The following POLR3B variants were observed in gnomAD, a reference collection of about 807,000 sequenced individuals.
POLR3B encodes DNA-directed RNA polymerase III subunit RPC2.
A neutral mutation model predicts 147.4 loss-of-function variants in POLR3B; 96 were observed. That is an observed-to-expected ratio of 0.65 (90% CI 0.55 to 0.77). POLR3B has a LOEUF of 0.77. Among genes scored for constraint, POLR3B ranks in the 30% least tolerant of loss-of-function variants. The pLI, the probability that POLR3B is intolerant of heterozygous loss-of-function variation, is 0.00. For missense variants in POLR3B, 1,036 were observed against 1,413.5 expected (o/e 0.73, Z 4.28); for synonymous variants, 461 against 485.9 (o/e 0.95, Z 0.67).
intron 5 of POLR3B, 74 bp downstream of exon 5, chr12:106,369,424 A>G (rs2036574562): frequency 1.0e-6 from 1 of 1,000,418 alleles, no homozygotes; most frequent in African/African-American, 1.6e-5. Flanking sequence ...TACTCTTAAA[A>G]GATCATTTAA....
chr12:106,437,233 A>G, intron 17 of POLR3B, 102 bp downstream of exon 17: 1 of 872,626 alleles, frequency 1.1e-6, no homozygotes. Flanking sequence ...TTTCCACCAA[A>G]TTACCAGCCT....
chr12:106,480,570 G>A (rs1035844411), intron 23 of POLR3B, among the ~76,000 whole-genome samples: 18 of 152,108 alleles, frequency 1.2e-4, no homozygotes, highest in African/African-American at 4.1e-4. Context: ...CCTCTGCTGC[G>A]CTTGCTACCC....
intron 19 of POLR3B, among the ~76,000 whole-genome samples, chr12:106,449,309 G>A (rs962612857): frequency 9.9e-5 from 15 of 152,000 alleles, no homozygotes; most frequent in East Asian, 3.8e-4. Context: ...GCATGTTGGC[G>A]CTCAAAAAGT....
In POLR3B at chr12:106,504,359, T is replaced by G. The variant is rs1004532988; in HGVS notation, c.3272+105T>G. 5 of 926,574 alleles carry G rather than the reference T, an allele frequency of 5.4e-6. No homozygotes were observed. Among genetic ancestry groups the G allele is most frequent in the African/African-American group, 3.2e-5 (2 of 61,858 alleles). 57.4% of individuals were successfully genotyped at this position (926,574 alleles called of 1,614,324 possible). On this transcript the variant is annotated intron_variant, in intron 27 of 27. Transcript: ENST00000228347. The surrounding 1 kb of genome is among the most constrained non-coding windows in gnomAD (Gnocchi z 4.6). The stretch of plus-strand genomic sequence containing the variant: ...CCGCATATTCTCCAGCCTCTGTCTG[T>G]GATCACTAACATACCCTCCCTCATG...
rs561837003 is a variant in POLR3B at position 106,400,478 on chromosome 12, A to G, written c.847-5379A>G. ...CTCGACTCTGCACCAAGTGGACCTAATAGACATCTACAGAACTCTCCACCC... is the reference window on the plus strand; with the variant it reads ...CTCGACTCTGCACCAAGTGGACCTAGTAGACATCTACAGAACTCTCCACCC... On this transcript the variant is annotated intron_variant, in intron 10 of 27. Coordinates refer to ENST00000228347, the MANE Select transcript of POLR3B (RefSeq NM_018082.6). 3.1e-3 allele frequency among the ~76,000 whole-genome samples: 472 copies of G among 152,330 alleles called. 2 individuals are homozygous for G. The highest frequency in any genetic ancestry group is 5.3e-3 in the Non-Finnish European group (361 of 68,034).
intron 9 of POLR3B, among the ~76,000 whole-genome samples, chr12:106,386,385 A>G (rs1049676092): frequency 5.3e-5 from 8 of 151,764 alleles, no homozygotes; most frequent in Non-Finnish European, 1.2e-4. Context: ...GTGTAGAATT[A>G]CATCTCCAGC....
rs149601691 is a variant in POLR3B at position 106,436,763 on chromosome 12, T to C, written c.1782-294T>C. The stretch of plus-strand genomic sequence containing the variant: ...GTATCATTTTTGTGTTGCCTTTTCA[T>C]TCAAAACCAAATGTTTCCTAAGATA... On this transcript the variant is annotated intron_variant, in intron 16 of 27. Coordinates refer to ENST00000228347, the MANE Select transcript of POLR3B (RefSeq NM_018082.6). Among the ~76,000 whole-genome samples, 51 of 152,320 alleles carry C rather than the reference T, an allele frequency of 3.3e-4. 1 individual carries two copies. Among genetic ancestry groups the C allele is most frequent in the African/African-American group, 8.7e-4 (36 of 41,572 alleles).
chr12:106,446,243 C>T (rs765249762), intron 19 of POLR3B: 3 of 455,822 alleles, frequency 6.6e-6, no homozygotes, highest in East Asian at 6.9e-5. Context: ...TTGTGTAGAA[C>T]CTTCAGCAGA....
intron 1 of POLR3B, among the ~76,000 whole-genome samples, chr12:106,358,761 T>G (rs1280270816): frequency 2.0e-5 from 3 of 152,108 alleles, no homozygotes; most frequent in Non-Finnish European, 4.4e-5. Context: ...TCCAGTAGTA[T>G]TAGAGTGAAG....
rs527288407 is a variant in POLR3B at position 106,372,269 on chromosome 12, A to C, written c.404+2586A>C. 2.6e-5 allele frequency among the ~76,000 whole-genome samples: 4 copies of C among 151,164 alleles called. No individual in the cohort carries two copies. In the South Asian group the frequency reaches 8.3e-4, roughly 32 times the overall value. On this transcript the variant is annotated intron_variant, in intron 6 of 27. Transcript: ENST00000228347. ...CACCTTTCGTCCCATTCCCAACTTC[A>C]TAACTATTTCTGTTATTTTTTTCTG...
intron 19 of POLR3B, among the ~76,000 whole-genome samples, chr12:106,449,583 A>G (rs997439151): frequency 6.6e-6 from 1 of 152,218 alleles, no homozygotes; most frequent in Non-Finnish European, 1.5e-5. Context: ...TAAGCTAGAT[A>G]AAAGAAAATG....
intron 23 of POLR3B, among the ~76,000 whole-genome samples, chr12:106,477,787 C>G (rs367988426): frequency 1.3e-5 from 2 of 151,914 alleles, no homozygotes; most frequent in East Asian, 1.9e-4. Context: ...GAGATGAACC[C>G]GGTACCTCAG....
At chr12:106,413,763 C>T (rs190681588) in intron 12 of POLR3B, among the ~76,000 whole-genome samples, 1 of 152,032 alleles carries the variant, frequency 6.6e-6, no homozygotes, top group Non-Finnish European at 1.5e-5. Context: ...CCTATTCTCC[C>T]TTTTTTCTGT....
At chr12:106,447,371 T>C (rs1483219024) in intron 19 of POLR3B, among the ~76,000 whole-genome samples, 3 of 152,136 alleles carry the variant, frequency 2.0e-5, no homozygotes, top group Non-Finnish European at 4.4e-5. Context: ...GTAAGAGAGC[T>C]AATCCACGAT....
At chr12:106,423,385 G>A (rs1404049846) in intron 12 of POLR3B, among the ~76,000 whole-genome samples, 1 of 152,154 alleles carries the variant, frequency 6.6e-6, no homozygotes, top group Non-Finnish European at 1.5e-5. Flanking sequence ...AAGATAGGAA[G>A]GAATTTATTA....
intron 23 of POLR3B, among the ~76,000 whole-genome samples, chr12:106,483,234 A>G (rs1201223566): frequency 6.6e-6 from 1 of 152,194 alleles, no homozygotes; most frequent in African/African-American, 2.4e-5. Context: ...ATCCCCATAT[A>G]AGTGGACCTG....
chr12:106,490,606 A>T (rs532756383), intron 23 of POLR3B, among the ~76,000 whole-genome samples: 1 of 152,224 alleles, frequency 6.6e-6, no homozygotes, highest in African/African-American at 2.4e-5. Context: ...AGCCAATATG[A>T]TTCAACAGTT....
rs574924934 is a variant in POLR3B at position 106,388,286 on chromosome 12, G to A, written c.724-4745G>A. Among the ~76,000 whole-genome samples the A allele has an allele frequency of 3.3e-5, 5 of 152,038 alleles. No homozygotes were observed. The South Asian group carries it at 1.0e-3, about 32-fold the overall frequency. On this transcript the variant is annotated intron_variant, in intron 9 of 27. Transcript: ENST00000228347. ...GAGAATCAAATTTCAAGGGTGCTGGGCAGTGTTTCCTGGAAACTAACTTAT... is the reference window on the plus strand; with the variant it reads ...GAGAATCAAATTTCAAGGGTGCTGGACAGTGTTTCCTGGAAACTAACTTAT...
intron 10 of POLR3B, among the ~76,000 whole-genome samples, chr12:106,397,238 G>A (rs1565883356): frequency 6.6e-6 from 1 of 152,086 alleles, no homozygotes; most frequent in Non-Finnish European, 1.5e-5. Context: ...AGAGAATAGT[G>A]TTATAAATGC....
Sources: allele counts gnomAD v4.1 joint callset (sites outside exome capture counted in the v4.1 genomes callset), GRCh38; gene constraint gnomAD v4.1.1; non-coding constraint Gnocchi (gnomAD v3.1); transcripts MANE v1.5; gene names NCBI Gene and HGNC (gene_info 2026-07-23, HGNC 2026-07-21).